The following ADGRB3 variants were observed in gnomAD, a reference collection of about 807,000 sequenced individuals.
ADGRB3 encodes brain-specific angiogenesis inhibitor 3.
A neutral mutation model predicts 193.4 loss-of-function variants in ADGRB3; 37 were observed. The observed-to-expected ratio is 0.19, with a 90% CI of 0.15 to 0.25. The LOEUF (loss-of-function observed/expected upper bound fraction) is 0.25. Ranked by LOEUF, ADGRB3 falls within the 10% of genes least tolerant of loss-of-function variation. ADGRB3 has a pLI of 1.00. For missense variants in ADGRB3, 1,637 were observed against 1,852.9 expected, an observed-to-expected ratio of 0.88 and a Z score of 2.14; for synonymous variants, 690 against 644.2, an observed-to-expected ratio of 1.07 and a Z score of -1.08.
intron 3 of ADGRB3, among the ~76,000 whole-genome samples, chr6:68,655,263 T>C (rs1768464603): frequency 6.6e-6 from 1 of 151,634 alleles, no homozygotes; most frequent in Non-Finnish European, 1.5e-5. Flanking sequence ...GCATTGACAC[T>C]TTTACACACT....
chr6:69,068,262 T>C (rs893683266), intron 16 of ADGRB3, among the ~76,000 whole-genome samples: 2 of 152,200 alleles, frequency 1.3e-5, no homozygotes, highest in African/African-American at 4.8e-5. Flanking sequence ...TCAAAACGCA[T>C]ATGTGTGTTA....
At position 69,233,400 on chromosome 6, in the gene ADGRB3, A is replaced by G. The variant is rs199814832; in HGVS notation, c.2591A>G (p.Gln864Arg). ...CTCTCTACCTTCGCCATTTTGGCTCAGCAACCTAGAGAAATAGTAAGTAAC... is the reference window on the plus strand; with the variant it reads ...CTCTCTACCTTCGCCATTTTGGCTCGGCAACCTAGAGAAATAGTAAGTAAC... ...DRLSTFAILAQQPREIIMESS... is the reference protein window; with the variant it reads ...DRLSTFAILARQPREIIMESS... Residue 864 changes from glutamine to arginine, a missense_variant, in exon 18 of 32, where the codon CAG becomes CGG. Physicochemically the swap from Gln to Arg is conservative, Grantham distance 43. Transcript: ENST00000370598. 1.9e-5 allele frequency: 31 copies of G among 1,614,098 alleles called. No homozygotes were observed. The highest frequency in any genetic ancestry group is 2.5e-5 in the Non-Finnish European group (30 of 1,179,978).
intron 20 of ADGRB3, among the ~76,000 whole-genome samples, chr6:69,289,820 G>A (rs563772328): frequency 6.6e-6 from 1 of 151,764 alleles, no homozygotes; most frequent in South Asian, 2.1e-4. Flanking sequence ...CGACTAAGGT[G>A]CTGCACTCTG....
intron 17 of ADGRB3, among the ~76,000 whole-genome samples, chr6:69,112,473 T>C (rs1487081380): frequency 1.3e-5 from 2 of 152,126 alleles, no homozygotes; most frequent in Non-Finnish European, 2.9e-5. Flanking sequence ...CTTCATATTA[T>C]AGAGATGAGA....
chr6:69,207,494 C>T (rs1382877168), intron 17 of ADGRB3, among the ~76,000 whole-genome samples: 1 of 152,194 alleles, frequency 6.6e-6, no homozygotes, highest in African/African-American at 2.4e-5. Context: ...AATATCTCAA[C>T]AGACTCCACA....
intron 20 of ADGRB3, among the ~76,000 whole-genome samples, chr6:69,320,512 C>T (rs1262435430): frequency 1.3e-5 from 2 of 151,478 alleles, no homozygotes; most frequent in Middle Eastern, 3.2e-3. Context: ...GCAATTCTTT[C>T]AAAGAGGATC....
At chr6:69,142,107 C>T (rs982883549) in intron 17 of ADGRB3, among the ~76,000 whole-genome samples, 1 of 152,170 alleles carries the variant, frequency 6.6e-6, no homozygotes. Flanking sequence ...TTGATCTTAA[C>T]TTTGGCACTT....
intron 10 of ADGRB3, among the ~76,000 whole-genome samples, chr6:68,984,567 G>A (rs1351086313): frequency 1.3e-5 from 2 of 152,112 alleles, no homozygotes. Flanking sequence ...ATGAATGAGA[G>A]CAGAAGAATA....
intron 3 of ADGRB3, among the ~76,000 whole-genome samples, chr6:68,882,801 A>G (rs1018338798): frequency 3.9e-5 from 6 of 152,192 alleles, no homozygotes; most frequent in East Asian, 1.9e-4. Flanking sequence ...ATAATGTGAT[A>G]TGAAAGAGTC....
At chr6:68,762,260 C>T (rs1265953974) in intron 3 of ADGRB3, among the ~76,000 whole-genome samples, 2 of 151,988 alleles carry the variant, frequency 1.3e-5, no homozygotes, top group African/African-American at 4.8e-5. Flanking sequence ...TCTCCTCATT[C>T]TCTCTCTCAG....
intron 3 of ADGRB3, among the ~76,000 whole-genome samples, chr6:68,671,260 G>T (rs74645808): frequency 6.6e-6 from 1 of 151,726 alleles, no homozygotes; most frequent in Non-Finnish European, 1.5e-5. Flanking sequence ...TTCTCTTGTC[G>T]GATTGCTCTA....
chr6:69,010,633 TCTG>T (rs1175649165), intron 11 of ADGRB3, among the ~76,000 whole-genome samples: 5 of 152,072 alleles, frequency 3.3e-5, no homozygotes, highest in African/African-American at 1.2e-4. Context: ...GTGGGCAACA[TCTG>T]CCCATAACCA....
chr6:68,865,613 G>T (rs1582266255), intron 3 of ADGRB3, among the ~76,000 whole-genome samples: 1 of 152,114 alleles, frequency 6.6e-6, no homozygotes. Flanking sequence ...AACTGCAGGG[G>T]TCCCTTTATC....
chr6:68,646,998 A>G lies in ADGRB3; in HGVS notation c.757+7566A>G, dbSNP rs557202985. 1.1e-4 allele frequency among the ~76,000 whole-genome samples: 17 copies of G among 152,318 alleles called. No homozygotes were observed. In the Middle Eastern group the frequency reaches 0.01, roughly 91 times the overall value. ...AAGGGAATTTGGGTTGGAAACTTTAAGAAGGATTTCCGTATTTCATGTGTG... is the reference window on the plus strand; with the variant it reads ...AAGGGAATTTGGGTTGGAAACTTTAGGAAGGATTTCCGTATTTCATGTGTG... On this transcript the variant is annotated intron_variant, in intron 3 of 31. Coordinates refer to ENST00000370598, the MANE Select transcript of ADGRB3 (RefSeq NM_001704.3).
chr6:69,237,438 C>A (rs919398051), intron 19 of ADGRB3, among the ~76,000 whole-genome samples: 60 of 152,040 alleles, frequency 3.9e-4, no homozygotes, highest in African/African-American at 1.4e-3. Context: ...GGCAGAGTTA[C>A]ATTTTTACAT....
intron 3 of ADGRB3, among the ~76,000 whole-genome samples, chr6:68,835,204 A>G (rs890381392): frequency 4.6e-5 from 7 of 152,130 alleles, no homozygotes; most frequent in African/African-American, 1.7e-4. Context: ...AATACTTTCC[A>G]TATATTCGCT....
At chr6:68,670,093 T>C (rs1177077175) in intron 3 of ADGRB3, among the ~76,000 whole-genome samples, 1 of 152,068 alleles carries the variant, frequency 6.6e-6, no homozygotes, top group African/African-American at 2.4e-5. Flanking sequence ...ATTCAAATCT[T>C]TTGCCCATTT....
intron 3 of ADGRB3, among the ~76,000 whole-genome samples, chr6:68,723,684 C>T (rs192413269): frequency 3.3e-5 from 5 of 151,766 alleles, no homozygotes; most frequent in East Asian, 2.0e-4. Context: ...TAGAATACGA[C>T]GTATAGTTTC....
At chr6:69,374,202 G>A (rs1005649261) in intron 30 of ADGRB3, among the ~76,000 whole-genome samples, 17 of 152,046 alleles carry the variant, frequency 1.1e-4, no homozygotes, top group African/African-American at 3.6e-4. Flanking sequence ...ATTGTTTAGA[G>A]CTATTTCCCT....
Sources: gnomAD v4.1 joint callset for allele counts (sites outside exome capture counted in the v4.1 genomes callset) on GRCh38, gnomAD v4.1.1 for gene constraint, MANE v1.5 for transcripts, NCBI Gene and HGNC (gene_info 2026-07-23, HGNC 2026-07-21) for gene names.